TEX22: variants seen among roughly 807,000 people sequenced by gnomAD.
The protein encoded by TEX22 is testis expressed 22, also known as testis-expressed protein 22.
Under a neutral mutation model 11.3 loss-of-function variants are expected in TEX22, and 16 were observed. That is an observed-to-expected ratio of 1.42 (90% CI 0.96 to 2.15). The LOEUF is 2.15. TEX22 is among the 30% of genes most tolerant of loss of function. The pLI, the probability that TEX22 is intolerant of heterozygous loss-of-function variation, is 0.00. For missense variants in TEX22, 220 were observed against 208.6 expected (o/e 1.05, Z -0.34); for synonymous variants, 97 against 92.3 (o/e 1.05, Z -0.29).
intron 2 of TEX22, among the ~76,000 whole-genome samples, chr14:105,407,691 T>C (rs1555418975): frequency 6.6e-6 from 1 of 152,176 alleles, no homozygotes. Flanking sequence ...CTAAATAAAT[T>C]GGTATTTCAG....
chr14:105,411,891 G>T lies in TEX22; in HGVS notation c.*58G>T. 7.3e-7 allele frequency: 1 copy of T among 1,377,278 alleles called. No homozygotes were observed. Among genetic ancestry groups the T allele is most frequent in the Non-Finnish European group, 9.4e-7 (1 of 1,061,724 alleles). 85.3% of individuals were successfully genotyped at this position (1,377,278 alleles called of 1,614,324 possible). On this transcript the variant is annotated 3_prime_UTR_variant, in exon 4 of 4. Coordinates refer to ENST00000451127, the MANE Select transcript of TEX22 (RefSeq NM_001195082.2). Reference sequence around the variant, plus strand: ...TGCCTTTCCTTGGGGGCCCACGGTGGGGGCAGCCTCTGCGCCTTCTTTGTG... The same window carrying T: ...TGCCTTTCCTTGGGGGCCCACGGTGTGGGCAGCCTCTGCGCCTTCTTTGTG...
intron 2 of TEX22, among the ~76,000 whole-genome samples, chr14:105,410,881 G>A (rs1396475521): frequency 6.6e-6 from 1 of 152,220 alleles, no homozygotes; most frequent in Non-Finnish European, 1.5e-5. Flanking sequence ...CCAGTCTCCT[G>A]TACCCTGCCA....
Position 105,408,713 on chromosome 14 carries a change from C to T in TEX22, c.151-2655C>T, listed in dbSNP as rs149773497. 5.8e-3 allele frequency among the ~76,000 whole-genome samples: 880 copies of T among 152,282 alleles called. 13 individuals carry two copies. The highest frequency in any genetic ancestry group is 0.02 in the African/African-American group (819 of 41,550). Reference sequence around the variant, plus strand: ...TGCTGGGATTACAGGCGTGAGCCACCGTGCCCGGCCGCACTGCCTCCTTTT... The same window carrying T: ...TGCTGGGATTACAGGCGTGAGCCACTGTGCCCGGCCGCACTGCCTCCTTTT... On this transcript the variant is annotated intron_variant, in intron 2 of 3. Coordinates refer to ENST00000451127, the MANE Select transcript of TEX22 (RefSeq NM_001195082.2).
chr14:105,412,337 A>T lies in TEX22; in HGVS notation c.*504A>T, dbSNP rs782375015. On this transcript the variant is annotated 3_prime_UTR_variant, in exon 4 of 4. Coordinates refer to ENST00000451127, the MANE Select transcript of TEX22 (RefSeq NM_001195082.2). This position sits in a 1 kb window ranked among gnomAD's most constrained non-coding sequence, Gnocchi z 5.8. ...CTGAAGACCCAGAAGGGCACACGGG[A>T]CCCCAGGGGTGCTGTGGTGGGGAGC... The T allele has an allele frequency of 6.5e-6, 1 of 153,124 alleles. No homozygotes were observed. The highest frequency in any genetic ancestry group is 1.5e-5 in the Non-Finnish European group (1 of 68,706). The allele number at this position is 153,124 out of a possible 1,614,324, so 9.5% of individuals were successfully genotyped here. A position where few individuals can be genotyped will look rare whatever the true frequency, so the allele number is the denominator to read the frequency against.
chr14:105,408,603 TAGTA>T (rs1227774656), intron 2 of TEX22, among the ~76,000 whole-genome samples: 2 of 152,196 alleles, frequency 1.3e-5, no homozygotes, highest in Non-Finnish European at 2.9e-5. Flanking sequence ...TTTGTATTTT[TAGTA>T]GAAACAGGGT....
intron 1 of TEX22, 142 bp from the exon 2 acceptor site, chr14:105,399,160 T>G: frequency 5.1e-6 from 3 of 588,194 alleles, no homozygotes; most frequent in South Asian, 2.1e-5. Context: ...CCCAGAGGGG[T>G]CAGTGATGCC....
At chr14:105,407,673 GTTTC>G (rs1183043409) in intron 2 of TEX22, among the ~76,000 whole-genome samples, 2 of 152,126 alleles carry the variant, frequency 1.3e-5, no homozygotes, top group African/African-American at 4.8e-5. Context: ...CTCTGCCATT[GTTTC>G]TTTCTAAATA....
intron 2 of TEX22, among the ~76,000 whole-genome samples, chr14:105,407,514 A>G (rs1555418962): frequency 6.6e-6 from 1 of 151,928 alleles, no homozygotes; most frequent in African/African-American, 2.4e-5. Context: ...CTGGGACTGT[A>G]GGTACACGTC....
At chr14:105,402,720 C>T (rs1356400353) in intron 2 of TEX22, among the ~76,000 whole-genome samples, 2 of 147,128 alleles carry the variant, frequency 1.4e-5, no homozygotes, top group Non-Finnish European at 3.0e-5. Flanking sequence ...TGCGCTACTG[C>T]ACTCCAGCCT....
At chr14:105,403,208 T>C (rs1279862061) in intron 2 of TEX22, among the ~76,000 whole-genome samples, 1 of 152,252 alleles carries the variant, frequency 6.6e-6, no homozygotes, top group Admixed American at 6.5e-5. Context: ...AACAATTTAT[T>C]ATTCTATTGA....
intron 2 of TEX22, among the ~76,000 whole-genome samples, chr14:105,402,727 G>GC (rs2081638465): frequency 6.8e-6 from 1 of 147,166 alleles, no homozygotes; most frequent in African/African-American, 2.6e-5. Flanking sequence ...CTGCACTCCA[G>GC]CCTGGGCGAC....
intron 2 of TEX22, among the ~76,000 whole-genome samples, chr14:105,406,211 C>T (rs28678078): frequency 0.041 from 6,169 of 152,224 alleles, 404 homozygotes; most frequent in African/African-American, 0.14. Flanking sequence ...AAGTGCCTTT[C>T]GTAGGCCAAA....
intron 2 of TEX22, among the ~76,000 whole-genome samples, chr14:105,402,076 C>A (rs2081630198): frequency 6.6e-6 from 1 of 152,236 alleles, no homozygotes; most frequent in East Asian, 1.9e-4. Context: ...ATCCCAGCTA[C>A]TTGGGAGGCT....
rs2081597960 is a variant in TEX22, at chr14:105,398,576, G to C, written c.-99G>C. On this transcript the variant is annotated 5_prime_UTR_variant, in exon 1 of 4. Coordinates refer to ENST00000451127, the MANE Select transcript of TEX22 (RefSeq NM_001195082.2). Reference sequence around the variant, plus strand: ...TTCTGGAGCGAGGCGCCGGCCCCTTGGGCCCCCTCAAGCCGCGGTGTACTC... The same window carrying C: ...TTCTGGAGCGAGGCGCCGGCCCCTTCGGCCCCCTCAAGCCGCGGTGTACTC... 1 of 152,252 alleles carries C rather than the reference G, an allele frequency of 6.6e-6. No individual in the cohort carries two copies. The highest frequency in any genetic ancestry group is 6.5e-5 in the Admixed American group (1 of 15,290). The allele number at this position is 152,252 out of a possible 1,614,324, so 9.4% of individuals were successfully genotyped here.
chr14:105,410,911 G>A (rs1189118122), intron 2 of TEX22, among the ~76,000 whole-genome samples: 6 of 152,210 alleles, frequency 3.9e-5, no homozygotes, highest in African/African-American at 1.4e-4. Context: ...CTCCACTGGC[G>A]CTGGTCTTTT....
At position 105,406,031 on chromosome 14, in the gene TEX22, G is replaced by T. The variant is rs587693347; in HGVS notation, c.151-5337G>T. ...ATGTTGAGCATGGCATTTCAGAGTA[G>T]TGAGAAACAGACCTTTCAATAAGTG... On this transcript the variant is annotated intron_variant, in intron 2 of 3. Transcript: ENST00000451127. Among the ~76,000 whole-genome samples the T allele has an allele frequency of 2.6e-4, 39 of 152,306 alleles. 3 individuals are homozygous for T. Among genetic ancestry groups the T allele is most frequent in the Admixed American group, 2.3e-3 (35 of 15,298 alleles).
At chr14:105,400,963 C>G (rs74376615) in intron 2 of TEX22, among the ~76,000 whole-genome samples, 2 of 152,270 alleles carry the variant, frequency 1.3e-5, no homozygotes, top group East Asian at 1.9e-4. Flanking sequence ...TCACCCAATA[C>G]CAGTGCCAGA....
rs2081709124 is a variant in TEX22 at position 105,413,839 on chromosome 14, A to G, written c.*2006A>G. 6.6e-6 allele frequency: 1 copy of G among 152,252 alleles called. No homozygotes were observed. The highest frequency in any genetic ancestry group is 2.4e-5 in the African/African-American group (1 of 41,468). The allele number at this position is 152,252 out of a possible 1,614,324, so 9.4% of individuals were successfully genotyped here. A position where few individuals can be genotyped will look rare whatever the true frequency, so the allele number is the denominator to read the frequency against. ...TGTGTACTAGTTTTCTGTAGCTGCCATAAAAATTGCCACAAATTCAGTAGG... is the reference window on the plus strand; with the variant it reads ...TGTGTACTAGTTTTCTGTAGCTGCCGTAAAAATTGCCACAAATTCAGTAGG... On this transcript the variant is annotated 3_prime_UTR_variant, in exon 4 of 4. Coordinates refer to ENST00000451127, the MANE Select transcript of TEX22 (RefSeq NM_001195082.2). This position sits in a 1 kb window ranked among gnomAD's most constrained non-coding sequence, Gnocchi z 4.2.
intron 1 of TEX22, 34 bp from the exon 2 acceptor site, chr14:105,399,268 G>GCCCCCC: frequency 3.9e-6 from 5 of 1,272,362 alleles, no homozygotes; most frequent in East Asian, 2.6e-5. Context: ...GGCCTTGTGG[G>GCCCCCC]CCCCGCCCCA....
Sources: allele counts gnomAD v4.1 joint callset (sites outside exome capture counted in the v4.1 genomes callset), GRCh38; gene constraint gnomAD v4.1.1; non-coding constraint Gnocchi (gnomAD v3.1); transcripts MANE v1.5; gene names NCBI Gene and HGNC (gene_info 2026-07-23, HGNC 2026-07-21).